The following CAMK2A variants were observed in gnomAD, a reference collection of about 807,000 sequenced individuals.
CAMK2A encodes the protein calcium/calmodulin dependent protein kinase II alpha, also known as calcium/calmodulin-dependent protein kinase type II subunit alpha.
CAMK2A carries 7 observed loss-of-function variants against 79.2 expected under a neutral mutation model. That is an observed-to-expected ratio of 0.09 (90% CI 0.05 to 0.17). The LOEUF is 0.17. CAMK2A is among the 10% of genes least tolerant of loss of function. The probability of loss-of-function intolerance (pLI) is 1.00; values close to 1 mark genes in which losing one functional copy is unlikely to be tolerated. For synonymous variants in CAMK2A, 242 were observed against 251.7 expected (o/e 0.96, Z 0.36); for missense variants, 214 against 646.4 (o/e 0.33, Z 7.25).
Position 150,222,687 on chromosome 5 carries a change from C to A in CAMK2A, c.*23G>T. ...AGAGTGGATCTCTGCGGCACAGCAA[C>A]GCAGCGACCCCAGCCTGGTCCCTCA... On this transcript the variant is annotated 3_prime_UTR_variant, in exon 19 of 19. Transcript: ENST00000671881. 3 of 1,613,704 alleles carry A rather than the reference C, an allele frequency of 1.9e-6. No individual in the cohort carries two copies. The East Asian group carries it at 6.7e-5, about 36-fold the overall frequency.
intron 16 of CAMK2A, among the ~76,000 whole-genome samples, chr5:150,229,795 G>A (rs1247652899): frequency 6.6e-6 from 1 of 152,202 alleles, no homozygotes; most frequent in Non-Finnish European, 1.5e-5. Flanking sequence ...CTATTTCCAT[G>A]CTTTTATGCA....
chr5:150,274,196 G>A (rs961055036), intron 1 of CAMK2A, among the ~76,000 whole-genome samples: 1 of 152,190 alleles, frequency 6.6e-6, no homozygotes, highest in East Asian at 1.9e-4. Flanking sequence ...ATCTTTTCAT[G>A]TGTTAAGAGG....
At position 150,237,375 on chromosome 5, in the gene CAMK2A, CCT is replaced by C. The variant is rs1554120514; in HGVS notation, c.1066+1323_1066+1324del. ...TTTTTTTATATTTCAGAGACCCCCC[CCT>C]GCCACTACCACCACCACCAGGCATC... is the stretch of plus-strand genomic sequence containing the variant. On this transcript the variant is annotated intron_variant, in intron 15 of 18. Coordinates refer to ENST00000671881, the MANE Select transcript of CAMK2A (RefSeq NM_015981.4). Among the ~76,000 whole-genome samples the C allele has an allele frequency of 2.5e-4, 26 of 102,712 alleles. No individual in the cohort carries two copies. In the East Asian group the frequency reaches 3.9e-3, roughly 15 times the overall value. 67.4% of individuals were successfully genotyped at this position (102,712 alleles called of 152,430 possible). A position where few individuals can be genotyped will look rare whatever the true frequency, so the allele number is the denominator to read the frequency against.
intron 1 of CAMK2A, among the ~76,000 whole-genome samples, chr5:150,286,301 G>A (rs925171363): frequency 2.0e-5 from 3 of 152,182 alleles, no homozygotes; most frequent in Admixed American, 6.5e-5. Context: ...ACCTGCAGTC[G>A]AGTAGCATCA....
chr5:150,237,649 G>A (rs1755141379), intron 15 of CAMK2A, among the ~76,000 whole-genome samples: 1 of 152,110 alleles, frequency 6.6e-6, no homozygotes, highest in Non-Finnish European at 1.5e-5. Flanking sequence ...CGGGACGACA[G>A]AGTACAGGCC....
chr5:150,245,021 C>G, intron 13 of CAMK2A, 140 bp downstream of exon 13: 1 of 796,742 alleles, frequency 1.3e-6, no homozygotes, highest in Non-Finnish European at 2.0e-6. Context: ...GGTCTGGAGA[C>G]AGCCTGGCCA....
intron 3 of CAMK2A, among the ~76,000 whole-genome samples, chr5:150,259,974 A>T (rs1420248332): frequency 6.7e-6 from 1 of 149,584 alleles, no homozygotes; most frequent in Non-Finnish European, 1.5e-5. Flanking sequence ...ATCTCAAAAA[A>T]TAAAAAAAAT....
chr5:150,245,515 C>G (rs965899041), intron 12 of CAMK2A, among the ~76,000 whole-genome samples: 2 of 152,176 alleles, frequency 1.3e-5, no homozygotes, highest in African/African-American at 4.8e-5. Context: ...GGGATTCCCT[C>G]TGAATCCCTG....
chr5:150,238,922 A>G lies in CAMK2A; in HGVS notation c.1018-174T>C, dbSNP rs1755214438. On this transcript the variant is annotated intron_variant, in intron 14 of 18. Transcript: ENST00000671881. ...TCCAGCCTCAAGACGGGGAGGGCCCAGCTGAGCAGGTGGCCAGGGGCCGGG... is the reference window on the plus strand; with the variant it reads ...TCCAGCCTCAAGACGGGGAGGGCCCGGCTGAGCAGGTGGCCAGGGGCCGGG... 2.0e-5 allele frequency among the ~76,000 whole-genome samples: 3 copies of G among 152,208 alleles called. No individual in the cohort carries two copies. In the South Asian group the frequency reaches 6.2e-4, roughly 31 times the overall value.
At chr5:150,270,502 A>G (rs1580943873) in intron 2 of CAMK2A, among the ~76,000 whole-genome samples, 1 of 152,324 alleles carries the variant, frequency 6.6e-6, no homozygotes, top group East Asian at 1.9e-4. Context: ...GAGGGTGGGC[A>G]CAGCCCCTGC....
intron 2 of CAMK2A, among the ~76,000 whole-genome samples, chr5:150,269,053 A>G (rs1756629656): frequency 6.6e-6 from 1 of 152,060 alleles, no homozygotes; most frequent in Non-Finnish European, 1.5e-5. Context: ...GACATGAGCC[A>G]CCAAACCCAG....
chr5:150,271,380 G>A (rs1257921429), intron 2 of CAMK2A, among the ~76,000 whole-genome samples: 1 of 152,212 alleles, frequency 6.6e-6, no homozygotes, highest in Non-Finnish European at 1.5e-5. Flanking sequence ...GGAAGAAAGT[G>A]CTGAGCTCCC....
At chr5:150,226,964 G>A (rs1433939878) in intron 17 of CAMK2A, among the ~76,000 whole-genome samples, 2 of 151,610 alleles carry the variant, frequency 1.3e-5, no homozygotes, top group African/African-American at 4.8e-5. Flanking sequence ...TAGAGATGGG[G>A]TTTCACCACA....
At chr5:150,277,656 T>C (rs1757008251) in intron 1 of CAMK2A, among the ~76,000 whole-genome samples, 1 of 152,228 alleles carries the variant, frequency 6.6e-6, no homozygotes, top group African/African-American at 2.4e-5. Context: ...TACATCCCAA[T>C]GTAAGCAAGT....
chr5:150,254,745 T>C (rs1217838624), intron 6 of CAMK2A, among the ~76,000 whole-genome samples: 3 of 152,180 alleles, frequency 2.0e-5, no homozygotes, highest in Admixed American at 2.0e-4. Context: ...GGGCAAATTA[T>C]TTCACTTCTC....
At chr5:150,254,133 A>T (rs1419994615) in intron 6 of CAMK2A, among the ~76,000 whole-genome samples, 1 of 151,932 alleles carries the variant, frequency 6.6e-6, no homozygotes, top group Admixed American at 6.6e-5. Context: ...ATGTCACCCC[A>T]TGGAGGAGGC....
chr5:150,290,115 A>T (rs549748502), upstream of CAMK2A: 1 of 153,618 alleles, frequency 6.5e-6, no homozygotes, highest in Non-Finnish European at 1.5e-5. Context: ...AGCAGACGGG[A>T]TGGGATTAAG....
rs1023016400 is a variant in CAMK2A at position 150,284,447 on chromosome 5, G to A, written c.62+5117C>T. Among the ~76,000 whole-genome samples, 1 of 152,028 alleles carries A rather than the reference G, an allele frequency of 6.6e-6. No individual in the cohort carries two copies. Among genetic ancestry groups the A allele is most frequent in the East Asian group, 1.9e-4 (1 of 5,182 alleles). Reference sequence around the variant, plus strand: ...AGAGAGGGCCATGGCCCAGACTGCAGGGCATGCTGGCAGCAGTGTCACTGT... The same window carrying A: ...AGAGAGGGCCATGGCCCAGACTGCAAGGCATGCTGGCAGCAGTGTCACTGT... On this transcript the variant is annotated intron_variant, in intron 1 of 18. Coordinates refer to ENST00000671881, the MANE Select transcript of CAMK2A (RefSeq NM_015981.4). The surrounding 1 kb of genome is among the most constrained non-coding windows in gnomAD (Gnocchi z 5.3).
Position 150,251,807 on chromosome 5 carries a change from C to A in CAMK2A, c.636G>T (p.Pro212=). Residue 212 remains proline (P), a synonymous_variant, in exon 9 of 19, where the codon CCG becomes CCT. Transcript: ENST00000671881. Reference sequence around the variant, plus strand: ...GGCGGTGCTGGTCCTCATCCCAGAACGGGGGGTACCCAACCAGCAGGATGT... The same window carrying A: ...GGCGGTGCTGGTCCTCATCCCAGAAAGGGGGGTACCCAACCAGCAGGATGT... ...ILYILLVGYP[P]FWDEDQHRLY... The A allele has an allele frequency of 6.2e-7, 1 of 1,608,344 alleles. No individual in the cohort carries two copies. Among genetic ancestry groups the A allele is most frequent in the Non-Finnish European group, 8.5e-7 (1 of 1,177,274 alleles).
Sources: allele counts gnomAD v4.1 joint callset (sites outside exome capture counted in the v4.1 genomes callset), GRCh38; gene constraint gnomAD v4.1.1; non-coding constraint Gnocchi (gnomAD v3.1); transcripts MANE v1.5; gene names NCBI Gene and HGNC (gene_info 2026-07-23, HGNC 2026-07-21).